CPPED1: variants seen among roughly 807,000 people sequenced by gnomAD.
The protein encoded by CPPED1 is serine/threonine-protein phosphatase CPPED1.
CPPED1 carries 28 observed loss-of-function variants against 28.0 expected under a neutral mutation model. That is an observed-to-expected ratio of 1.00 (90% CI 0.74 to 1.37). The LOEUF (loss-of-function observed/expected upper bound fraction) is 1.37. CPPED1 is among the 40% of genes most tolerant of loss of function. The pLI, the probability that CPPED1 is intolerant of heterozygous loss-of-function variation, is 0.00. For synonymous variants in CPPED1, 198 were observed against 180.2 expected, an observed-to-expected ratio of 1.10 and a Z score of -0.79; for missense variants, 504 against 416.5, an observed-to-expected ratio of 1.21 and a Z score of -1.83.
rs543961130 is a variant in CPPED1 at position 12,727,326 on chromosome 16, T to C, written c.290-22277A>G. On this transcript the variant is annotated intron_variant, in intron 2 of 3. Transcript: ENST00000381774. ...GTTATCAAGGAGGTCCCTAGAACTG[T>C]AGGGGAGAGTCTGGATATCAAAGCC... Among the ~76,000 whole-genome samples the C allele has an allele frequency of 7.9e-5, 12 of 152,252 alleles. No homozygotes were observed. In the East Asian group the frequency reaches 2.1e-3, roughly 27 times the overall value.
intron 1 of CPPED1, among the ~76,000 whole-genome samples, chr16:12,799,302 A>G (rs2080645204): frequency 6.7e-6 from 1 of 148,272 alleles, no homozygotes; most frequent in South Asian, 2.1e-4. Context: ...GCTAGAGTGC[A>G]GCGGGCAATC....
chr16:12,673,187 T>C (rs1457439771), intron 3 of CPPED1, among the ~76,000 whole-genome samples: 2 of 152,088 alleles, frequency 1.3e-5, no homozygotes, highest in East Asian at 1.9e-4. Flanking sequence ...TTGCCATAAA[T>C]AGACAACTGA....
intron 2 of CPPED1, among the ~76,000 whole-genome samples, chr16:12,754,461 C>T (rs1472258571): frequency 6.6e-6 from 1 of 152,150 alleles, no homozygotes; most frequent in Non-Finnish European, 1.5e-5. Flanking sequence ...GGAAGGGGGG[C>T]CCAATTTCTA....
chr16:12,704,862 C>G lies in CPPED1; in HGVS notation c.477G>C (p.Leu159=). 6.2e-7 allele frequency: 1 copy of G among 1,614,222 alleles called. No homozygotes were observed. The highest frequency in any genetic ancestry group is 8.5e-7 in the Non-Finnish European group (1 of 1,180,040). The change falls in exon 3 of 4, where the codon CTG becomes CTC. Residue 159 remains leucine, a synonymous_variant. Transcript: ENST00000381774. ...AGAACTGGGAGTTGAGGACCAGGAA[C>G]AGGACGCCCCCGACCCAGAAGCTGA... ...DYFSFWVGGV[L]FLVLNSQFYE...
intron 3 of CPPED1, among the ~76,000 whole-genome samples, chr16:12,674,987 T>C (rs2141168890): frequency 6.6e-6 from 1 of 152,292 alleles, no homozygotes; most frequent in East Asian, 1.9e-4. Flanking sequence ...GCACACAGCA[T>C]GGCAGTCCAG....
At position 12,709,452 on chromosome 16, in the gene CPPED1, A is replaced by C. The variant is rs2080068605; in HGVS notation, c.290-4403T>G. On this transcript the variant is annotated intron_variant, in intron 2 of 3. Coordinates refer to ENST00000381774, the MANE Select transcript of CPPED1 (RefSeq NM_018340.3). This position sits in a 1 kb window ranked among gnomAD's most constrained non-coding sequence, Gnocchi z 4.4. ...GTGGGAATGGCGAGAGCAGTGTAGA[A>C]AGCTGCAAAGCGTTTAAAACACTTA... Among the ~76,000 whole-genome samples, 1 of 152,162 alleles carries C rather than the reference A, an allele frequency of 6.6e-6. No homozygotes were observed. Among genetic ancestry groups the C allele is most frequent in the Non-Finnish European group, 1.5e-5 (1 of 68,022 alleles).
intron 3 of CPPED1, among the ~76,000 whole-genome samples, chr16:12,701,635 G>C (rs13330467): frequency 0.027 from 4,111 of 152,282 alleles, 185 homozygotes; most frequent in African/African-American, 0.095. Flanking sequence ...CTGCAGTGAA[G>C]AGCTGGGCCG....
chr16:12,730,647 G>C (rs943388336), intron 2 of CPPED1, among the ~76,000 whole-genome samples: 5 of 152,198 alleles, frequency 3.3e-5, no homozygotes, highest in African/African-American at 1.2e-4. Context: ...TAATAACACA[G>C]ATGAATCTCA....
At chr16:12,735,585 C>T (rs1342923104) in intron 2 of CPPED1, among the ~76,000 whole-genome samples, 2 of 152,144 alleles carry the variant, frequency 1.3e-5, no homozygotes, top group African/African-American at 2.4e-5. Flanking sequence ...ATTACAGGCA[C>T]GAGCCACCGT....
At chr16:12,742,260 C>T (rs977463953) in intron 2 of CPPED1, among the ~76,000 whole-genome samples, 5 of 151,986 alleles carry the variant, frequency 3.3e-5, no homozygotes, top group Non-Finnish European at 7.4e-5. Context: ...AAACACTCTA[C>T]AAGTAAAAGC....
At chr16:12,766,256 T>TATAGAGAGAGAG in intron 2 of CPPED1, among the ~76,000 whole-genome samples, 4 of 134,254 alleles carry the variant, frequency 3.0e-5, no homozygotes, top group Admixed American at 2.1e-4. Flanking sequence ...TATATATATA[T>TATAGAGAGAGAG]AGAGAGAGAG....
chr16:12,803,299 T>C, intron 1 of CPPED1, among the ~76,000 whole-genome samples: 1 of 152,156 alleles, frequency 6.6e-6, no homozygotes, highest in Non-Finnish European at 1.5e-5. Flanking sequence ...ACCGACACCC[T>C]CTAACATGCA....
intron 1 of CPPED1, among the ~76,000 whole-genome samples, chr16:12,800,431 CAAAA>C (rs11303196): frequency 1.1e-5 from 1 of 90,282 alleles, no homozygotes. Context: ...GACTCTGTCT[CAAAA>C]AAAAAAAAAA....
chr16:12,767,122 C>T (rs2080444338), intron 2 of CPPED1, among the ~76,000 whole-genome samples: 1 of 151,984 alleles, frequency 6.6e-6, no homozygotes, highest in South Asian at 2.1e-4. Context: ...TCACAGGGGC[C>T]AAGAAGTCAC....
At chr16:12,681,975 A>G (rs562618533) in intron 3 of CPPED1, among the ~76,000 whole-genome samples, 5 of 152,158 alleles carry the variant, frequency 3.3e-5, no homozygotes, top group East Asian at 1.9e-4. Flanking sequence ...ACAGCATAGC[A>G]TCACTTCCCT....
chr16:12,708,792 C>T (rs2080064920), intron 2 of CPPED1, among the ~76,000 whole-genome samples: 1 of 152,136 alleles, frequency 6.6e-6, no homozygotes, highest in African/African-American at 2.4e-5. Flanking sequence ...AAAATAGTCC[C>T]ATTGTGGCTG....
At position 12,753,217 on chromosome 16, in the gene CPPED1, C is replaced by T. The variant is rs888888229; in HGVS notation, c.289+27968G>A. On this transcript the variant is annotated intron_variant, in intron 2 of 3. Coordinates refer to ENST00000381774, the MANE Select transcript of CPPED1 (RefSeq NM_018340.3). ...ACTCCCAAATTCGCATGTTGAAATCCTAGCCCCCAGTGATGCTGTCCTGCA... is the reference window on the plus strand; with the variant it reads ...ACTCCCAAATTCGCATGTTGAAATCTTAGCCCCCAGTGATGCTGTCCTGCA... 1.3e-5 allele frequency: 2 copies of T among 152,136 alleles called. 1 individual carries two copies. The highest frequency in any genetic ancestry group is 4.8e-5 in the African/African-American group (2 of 41,416). The allele number at this position is 152,136 out of a possible 1,614,324, so 9.4% of individuals were successfully genotyped here. A position where few individuals can be genotyped will look rare whatever the true frequency, so the allele number is the denominator to read the frequency against.
chr16:12,781,336 G>A lies in CPPED1; in HGVS notation c.138C>T (p.Ile46=), dbSNP rs2080530309. The A allele has an allele frequency of 6.2e-7, 1 of 1,614,140 alleles. No individual in the cohort carries two copies. The highest frequency in any genetic ancestry group is 8.5e-7 in the Non-Finnish European group (1 of 1,180,038). ...CACAGTCCCCAGTGGACCAGGCCTT[G>A]ATCAGCCCAAACTGTGGGTCTGCGC... ...ILGADPQFGL[I]KAWSTGDCDN... is the part of the protein sequence containing the mutation. Residue 46 remains isoleucine (I), a synonymous_variant, in exon 2 of 4, where the codon ATC becomes ATT. Coordinates refer to ENST00000381774, the MANE Select transcript of CPPED1 (RefSeq NM_018340.3).
intron 2 of CPPED1, among the ~76,000 whole-genome samples, chr16:12,771,101 T>C (rs959854328): frequency 6.6e-5 from 10 of 152,202 alleles, no homozygotes; most frequent in Non-Finnish European, 1.3e-4. Context: ...TACCCTCATT[T>C]AAATCCTACA....
Sources: allele counts gnomAD v4.1 joint callset (sites outside exome capture counted in the v4.1 genomes callset), GRCh38; gene constraint gnomAD v4.1.1; non-coding constraint Gnocchi (gnomAD v3.1); transcripts MANE v1.5; gene names NCBI Gene and HGNC (gene_info 2026-07-23, HGNC 2026-07-21).